CSRNP3: variants seen among roughly 807,000 people sequenced by gnomAD.
The protein encoded by CSRNP3 is cysteine and serine rich nuclear protein 3, also known as cysteine/serine-rich nuclear protein 3.
In CSRNP3, 12 loss-of-function variants were observed where a neutral mutation model predicts 48.0. The ratio of observed to expected loss-of-function variants is 0.25; its 90% CI spans 0.16 to 0.41. The LOEUF (loss-of-function observed/expected upper bound fraction) is 0.41. Among genes scored for constraint, CSRNP3 ranks in the 10% least tolerant of loss-of-function variants. The probability of loss-of-function intolerance (pLI) is 1.00; values close to 1 mark genes in which losing one functional copy is unlikely to be tolerated. For synonymous variants in CSRNP3, 263 were observed against 269.7 expected, an observed-to-expected ratio of 0.98 and a Z score of 0.24; for missense variants, 580 against 724.4, an observed-to-expected ratio of 0.80 and a Z score of 2.29.
intron 2 of CSRNP3, among the ~76,000 whole-genome samples, chr2:165,502,952 T>C (rs1684377227): frequency 2.0e-5 from 3 of 152,066 alleles, no homozygotes; most frequent in Admixed American, 6.6e-5. Context: ...TGTGTGTGTA[T>C]GTGTGTGAAT....
chr2:165,625,901 A>G, intron 4 of CSRNP3, among the ~76,000 whole-genome samples: 1 of 146,174 alleles, frequency 6.8e-6, no homozygotes, highest in Non-Finnish European at 1.5e-5. Flanking sequence ...ACTGCACTCC[A>G]AAACTCCATC....
At chr2:165,660,315 C>T (rs1687075533) in intron 5 of CSRNP3, among the ~76,000 whole-genome samples, 1 of 152,158 alleles carries the variant, frequency 6.6e-6, no homozygotes, top group Admixed American at 6.5e-5. Flanking sequence ...ATTATTAGAA[C>T]ATGTTTACAA....
intron 2 of CSRNP3, among the ~76,000 whole-genome samples, chr2:165,509,385 C>G (rs1474890193): frequency 6.6e-6 from 1 of 152,050 alleles, no homozygotes; most frequent in African/African-American, 2.4e-5. Context: ...CAGAAAAGAG[C>G]TTGACACTTG....
At chr2:165,516,102 G>A (rs937254351) in intron 2 of CSRNP3, among the ~76,000 whole-genome samples, 3 of 151,986 alleles carry the variant, frequency 2.0e-5, no homozygotes, top group Non-Finnish European at 4.4e-5. Flanking sequence ...CACTGTGCCC[G>A]GCCACAAATA....
rs1295627670 is a variant in CSRNP3, at chr2:165,689,124, A to G, written c.*9371A>G. On this transcript the variant is annotated 3_prime_UTR_variant, in exon 7 of 7. Coordinates refer to ENST00000651982, the MANE Select transcript of CSRNP3 (RefSeq NM_001172173.2). ...TATAAAATAAGCTACAATAATATTC[A>G]ACAGAACTTAACCTGGACCTTATGT... 1 of 152,162 alleles carries G rather than the reference A, an allele frequency of 6.6e-6. No individual in the cohort carries two copies. The highest frequency in any genetic ancestry group is 6.6e-5 in the Admixed American group (1 of 15,258). 9.4% of individuals were successfully genotyped at this position (152,162 alleles called of 1,614,324 possible).
At chr2:165,485,380 C>G (rs1684099005) in intron 1 of CSRNP3, among the ~76,000 whole-genome samples, 1 of 152,116 alleles carries the variant, frequency 6.6e-6, no homozygotes, top group Non-Finnish European at 1.5e-5. Context: ...TCCAAATAGT[C>G]TCCTATAACT....
chr2:165,507,483 A>AAATGAT (rs1684442635), intron 2 of CSRNP3, among the ~76,000 whole-genome samples: 1 of 152,136 alleles, frequency 6.6e-6, no homozygotes, highest in African/African-American at 2.4e-5. Context: ...GCTCCTCTGT[A>AAATGAT]TTCACCCTAT....
In CSRNP3 at chr2:165,674,138, G is replaced by A. The variant is rs538190109; in HGVS notation, c.409-2174G>A. 1.7e-4 allele frequency among the ~76,000 whole-genome samples: 26 copies of A among 152,262 alleles called. 1 individual carries two copies. The South Asian group carries it at 3.9e-3, about 23-fold the overall frequency. On this transcript the variant is annotated intron_variant, in intron 5 of 6. Coordinates refer to ENST00000651982, the MANE Select transcript of CSRNP3 (RefSeq NM_001172173.2). ...CAAGTAAGCATAAATATTACAGAACGTGGAGATTAAGTAGGAAGTATTAAA... is the reference window on the plus strand; with the variant it reads ...CAAGTAAGCATAAATATTACAGAACATGGAGATTAAGTAGGAAGTATTAAA...
intron 3 of CSRNP3, among the ~76,000 whole-genome samples, chr2:165,558,971 G>C (rs1685196182): frequency 6.6e-6 from 1 of 152,092 alleles, no homozygotes; most frequent in Admixed American, 6.5e-5. Context: ...CAGTGGTATA[G>C]TTCCCAACTA....
chr2:165,595,835 C>T (rs961639158), intron 4 of CSRNP3, among the ~76,000 whole-genome samples: 5 of 152,148 alleles, frequency 3.3e-5, no homozygotes, highest in East Asian at 3.9e-4. Context: ...CTCGCTCTGT[C>T]GCCCAGGCTG....
chr2:165,485,109 G>T (rs1293338906), intron 1 of CSRNP3, among the ~76,000 whole-genome samples: 1 of 152,154 alleles, frequency 6.6e-6, no homozygotes, highest in African/African-American at 2.4e-5. Context: ...GAGGGTGGAA[G>T]TCCAAGATCA....
At chr2:165,522,825 T>C (rs993983454) in intron 3 of CSRNP3, among the ~76,000 whole-genome samples, 2 of 152,058 alleles carry the variant, frequency 1.3e-5, no homozygotes, top group African/African-American at 4.8e-5. Flanking sequence ...CCACAGTACA[T>C]GCAGCCATGA....
At chr2:165,613,902 G>C (rs1328014502) in intron 4 of CSRNP3, among the ~76,000 whole-genome samples, 1 of 151,464 alleles carries the variant, frequency 6.6e-6, no homozygotes, top group Non-Finnish European at 1.5e-5. Flanking sequence ...AGTTCCATAT[G>C]ACTTTTAGAG....
At chr2:165,570,715 T>G (rs1425548911) in intron 3 of CSRNP3, among the ~76,000 whole-genome samples, 1 of 151,926 alleles carries the variant, frequency 6.6e-6, no homozygotes, top group Non-Finnish European at 1.5e-5. Flanking sequence ...CTATAAGCCC[T>G]TTTCTTTTAA....
At chr2:165,543,280 AT>A (rs763202439) in intron 3 of CSRNP3, among the ~76,000 whole-genome samples, 1 of 152,070 alleles carries the variant, frequency 6.6e-6, no homozygotes, top group Non-Finnish European at 1.5e-5. Flanking sequence ...TTTTAATCTA[AT>A]TTGTTTACTT....
In CSRNP3 at chr2:165,505,865, G is replaced by A. The variant is rs369290446; in HGVS notation, c.-113+10937G>A. On this transcript the variant is annotated intron_variant, in intron 2 of 6. Transcript: ENST00000651982. ...CTGGTAATACATGACATTTGTCCTA[G>A]CATTTCTTTAAAATAGTCAAAGTTA... Among the ~76,000 whole-genome samples the A allele has an allele frequency of 5.3e-5, 8 of 152,138 alleles. No individual in the cohort carries two copies. In the East Asian group the frequency reaches 9.7e-4, roughly 18 times the overall value.
intron 2 of CSRNP3, among the ~76,000 whole-genome samples, chr2:165,507,255 A>G (rs1391563335): frequency 2.6e-5 from 4 of 152,172 alleles, no homozygotes; most frequent in Non-Finnish European, 5.9e-5. Flanking sequence ...GTATAAAATC[A>G]GAGTTCATAT....
In CSRNP3 at chr2:165,686,426, C is replaced by CCTTAG. The variant is rs1687631965; in HGVS notation, c.*6675_*6679dup. ...TTTCATGTGGTCACCAAGCTTTTTT[C>CCTTAG]CTTAGCCATTAAAAAAGCCACCCCT... On this transcript the variant is annotated 3_prime_UTR_variant, in exon 7 of 7. Coordinates refer to ENST00000651982, the MANE Select transcript of CSRNP3 (RefSeq NM_001172173.2). 6.6e-6 allele frequency: 1 copy of CCTTAG among 152,016 alleles called. No homozygotes were observed. Among genetic ancestry groups the CCTTAG allele is most frequent in the African/African-American group, 2.4e-5 (1 of 41,514 alleles). 9.4% of individuals were successfully genotyped at this position (152,016 alleles called of 1,614,324 possible).
At chr2:165,592,229 A>G (rs982418239) in intron 3 of CSRNP3, among the ~76,000 whole-genome samples, 2 of 152,170 alleles carry the variant, frequency 1.3e-5, no homozygotes, top group African/African-American at 4.8e-5. Context: ...GCCTTGATGG[A>G]TTTCAGACTT....
Sources: gnomAD v4.1 joint callset for allele counts (sites outside exome capture counted in the v4.1 genomes callset) on GRCh38, gnomAD v4.1.1 for gene constraint, MANE v1.5 for transcripts, NCBI Gene and HGNC (gene_info 2026-07-23, HGNC 2026-07-21) for gene names.